KDM2A: variants seen among roughly 807,000 people sequenced by gnomAD.
KDM2A encodes lysine-specific demethylase 2A.
KDM2A carries 3 observed loss-of-function variants against 137.3 expected under a neutral mutation model. That is an observed-to-expected ratio of 0.02 (90% confidence interval 0.01 to 0.06). The LOEUF (loss-of-function observed/expected upper bound fraction) is 0.06, where lower values mean the gene tolerates loss of function less well. KDM2A is among the 10% of genes least tolerant of loss of function. KDM2A has a pLI of 1.00. For synonymous variants in KDM2A, 512 were observed against 541.5 expected (o/e 0.95, Z 0.76); for missense variants, 738 against 1,510.6 (o/e 0.49, Z 8.48).
intron 2 of KDM2A, among the ~76,000 whole-genome samples, chr11:67,169,744 TCTCTCTCTCTCTCTC>T (rs1856835548): frequency 2.0e-5 from 1 of 49,282 alleles, no homozygotes; most frequent in Non-Finnish European, 1.3e-4. Context: ...TCTCTCTCTC[TCTCTCTCTCTCTCTC>T]TTTTTTTTTT....
chr11:67,170,292 A>G (rs191023543), intron 2 of KDM2A, among the ~76,000 whole-genome samples: 55 of 152,152 alleles, frequency 3.6e-4, no homozygotes, highest in African/African-American at 7.7e-4. Context: ...GATAAACAAT[A>G]ATATAGCTAG....
At chr11:67,161,777 C>T (rs899988986) in intron 2 of KDM2A, among the ~76,000 whole-genome samples, 12 of 152,066 alleles carry the variant, frequency 7.9e-5, no homozygotes, top group Non-Finnish European at 1.5e-4. Context: ...CTTTTTTGCT[C>T]TCATTCTCTA....
intron 12 of KDM2A, among the ~76,000 whole-genome samples, chr11:67,232,740 C>T (rs1005286435): frequency 2.7e-5 from 4 of 150,366 alleles, no homozygotes; most frequent in Non-Finnish European, 5.9e-5. Context: ...CGGAGTCTCA[C>T]TCTGTCGCTC....
chr11:67,211,092 A>T (rs750625234), intron 6 of KDM2A, among the ~76,000 whole-genome samples: 5 of 151,986 alleles, frequency 3.3e-5, no homozygotes, highest in Admixed American at 6.6e-5. Flanking sequence ...AGCTACAATC[A>T]TGTTATTTTT....
intron 5 of KDM2A, among the ~76,000 whole-genome samples, chr11:67,182,620 C>T (rs1188110254): frequency 6.6e-6 from 1 of 151,772 alleles, no homozygotes; most frequent in Non-Finnish European, 1.5e-5. Context: ...GCAACCTCCG[C>T]CTGCTGCATT....
intron 12 of KDM2A, among the ~76,000 whole-genome samples, chr11:67,234,171 A>G (rs1297337886): frequency 6.6e-6 from 1 of 152,240 alleles, no homozygotes; most frequent in Non-Finnish European, 1.5e-5. Flanking sequence ...AGATATAGCA[A>G]GCTTAGAGCT....
chr11:67,237,364 A>G (rs1051856213), intron 12 of KDM2A, among the ~76,000 whole-genome samples: 6 of 152,118 alleles, frequency 3.9e-5, no homozygotes, highest in Non-Finnish European at 7.3e-5. Flanking sequence ...TTCTGACACT[A>G]ATAGAACTAG....
chr11:67,154,073 T>C (rs960719805), intron 2 of KDM2A, among the ~76,000 whole-genome samples: 19 of 152,158 alleles, frequency 1.2e-4, no homozygotes, highest in Non-Finnish European at 4.4e-5. Flanking sequence ...ATTTAGAATT[T>C]TCCAATGTCC....
chr11:67,120,454 GA>G (rs1469198315), intron 1 of KDM2A, among the ~76,000 whole-genome samples: 4 of 152,216 alleles, frequency 2.6e-5, no homozygotes, highest in Non-Finnish European at 5.9e-5. Flanking sequence ...TTAGAAAAAA[GA>G]AAACCCTTTC....
intron 5 of KDM2A, among the ~76,000 whole-genome samples, chr11:67,203,477 TTAA>T (rs1405038747): frequency 5.4e-5 from 8 of 147,114 alleles, no homozygotes; most frequent in South Asian, 2.1e-4. Context: ...TTAATAATTA[TTAA>T]TATATATTAA....
At chr11:67,120,805 C>T (rs1287668092) in intron 1 of KDM2A, among the ~76,000 whole-genome samples, 2 of 152,078 alleles carry the variant, frequency 1.3e-5, no homozygotes, top group Non-Finnish European at 2.9e-5. Flanking sequence ...GTTTGCCCTT[C>T]TTTCCTTTAG....
At chr11:67,130,552 G>A (rs1306106534) in intron 2 of KDM2A, among the ~76,000 whole-genome samples, 2 of 152,046 alleles carry the variant, frequency 1.3e-5, no homozygotes, top group East Asian at 3.8e-4. Flanking sequence ...TGTTATTCTC[G>A]GGTCTTGGTT....
At chr11:67,219,174 TA>T (rs1287541650) in intron 9 of KDM2A, 113 bp from the exon 10 acceptor site, 1 of 457,666 alleles carries the variant, frequency 2.2e-6, no homozygotes, top group Non-Finnish European at 3.9e-6. Flanking sequence ...GACAAACCAC[TA>T]AGAAGCAGAA....
At chr11:67,147,188 A>T (rs1856270270) in intron 2 of KDM2A, among the ~76,000 whole-genome samples, 1 of 152,072 alleles carries the variant, frequency 6.6e-6, no homozygotes, top group Non-Finnish European at 1.5e-5. Context: ...GCCTGTTTGT[A>T]TTTCATCCAG....
At chr11:67,181,037 A>G (rs1253057400) in intron 3 of KDM2A, among the ~76,000 whole-genome samples, 2 of 150,056 alleles carry the variant, frequency 1.3e-5, no homozygotes, top group South Asian at 2.1e-4. Flanking sequence ...ATGACTCACT[A>G]TTAGTAGTCC....
At chr11:67,195,246 A>G (rs1043065882) in intron 5 of KDM2A, among the ~76,000 whole-genome samples, 4 of 151,898 alleles carry the variant, frequency 2.6e-5, no homozygotes, top group Admixed American at 1.3e-4. Flanking sequence ...GCGCATGCCT[A>G]TAGTCCCAGC....
chr11:67,169,386 T>C (rs978874835), intron 2 of KDM2A, among the ~76,000 whole-genome samples: 2 of 150,910 alleles, frequency 1.3e-5, no homozygotes, highest in Admixed American at 6.6e-5. Context: ...TTTTCTTTTT[T>C]TTTTTTTTTT....
intron 11 of KDM2A, 38 bp from the exon 12 acceptor site, chr11:67,231,528 T>C (rs1304407779): frequency 5.3e-6 from 8 of 1,514,950 alleles, no homozygotes; most frequent in Non-Finnish European, 7.1e-6. Flanking sequence ...CATGGCAGAG[T>C]GAAATGTTCT....
At chr11:67,190,167 T>C (rs1162922888) in intron 5 of KDM2A, among the ~76,000 whole-genome samples, 1 of 152,136 alleles carries the variant, frequency 6.6e-6, no homozygotes, top group Non-Finnish European at 1.5e-5. Flanking sequence ...CCCAGCACTT[T>C]GGGAGGCCGA....
Sources: gnomAD v4.1 joint callset for allele counts (sites outside exome capture counted in the v4.1 genomes callset) on GRCh38, gnomAD v4.1.1 for gene constraint, MANE v1.5 for transcripts, NCBI Gene and HGNC (gene_info 2026-07-23, HGNC 2026-07-21) for gene names.